The following KCNQ1 variants were observed in gnomAD, a reference collection of about 807,000 sequenced individuals.
KCNQ1 encodes potassium voltage-gated channel subfamily Q member 1.
KCNQ1 carries 49 observed loss-of-function variants against 72.4 expected under a neutral mutation model. The ratio of observed to expected loss-of-function variants is 0.68; its 90% CI spans 0.54 to 0.86. KCNQ1 has a LOEUF of 0.86. Among genes scored for constraint, KCNQ1 ranks in the 40% least tolerant of loss-of-function variants. KCNQ1 has a pLI of 0.00. For missense variants in KCNQ1, 790 were observed against 945.1 expected (o/e 0.84, Z 2.15); for synonymous variants, 450 against 412.6 (o/e 1.09, Z -1.10).
chr11:2,810,700 T>C (rs921794783), intron 15 of KCNQ1, among the ~76,000 whole-genome samples: 6 of 152,208 alleles, frequency 3.9e-5, no homozygotes, highest in Non-Finnish European at 8.8e-5. Context: ...CTCTCTCATG[T>C]TCTGAATGTT....
intron 15 of KCNQ1, among the ~76,000 whole-genome samples, chr11:2,804,581 AG>A (rs531323847): frequency 5.3e-5 from 8 of 152,164 alleles, no homozygotes; most frequent in Non-Finnish European, 8.8e-5. Flanking sequence ...AACTTGACAG[AG>A]TGGTTCCAGG....
intron 1 of KCNQ1, among the ~76,000 whole-genome samples, chr11:2,513,611 C>T (rs1449297016): frequency 6.6e-6 from 1 of 152,226 alleles, no homozygotes; most frequent in African/African-American, 2.4e-5. Flanking sequence ...GGAGAGACAG[C>T]CACCCGCCTG....
chr11:2,844,955 C>A (rs941675402), intron 15 of KCNQ1, among the ~76,000 whole-genome samples: 2 of 152,182 alleles, frequency 1.3e-5, no homozygotes, highest in Non-Finnish European at 2.9e-5. Context: ...TGAGGTGAGC[C>A]CTAGGACACA....
rs1846464563 is a variant in KCNQ1, at chr11:2,471,703, TA to T, written c.386+26220del. Reference sequence around the variant, plus strand: ...ATGTGTATGGGTGTGCATGTGTGTATAGGTGTGTGTATGTGTGCATGGGCGT... The same window carrying T: ...ATGTGTATGGGTGTGCATGTGTGTATGGTGTGTGTATGTGTGCATGGGCGT... On this transcript the variant is annotated intron_variant, in intron 1 of 15. Transcript: ENST00000155840. This position sits in a 1 kb window ranked among gnomAD's most constrained non-coding sequence, Gnocchi z 4.8. Among the ~76,000 whole-genome samples, 13 of 151,184 alleles carry T rather than the reference TA, an allele frequency of 8.6e-5. No homozygotes were observed. The highest frequency in any genetic ancestry group is 5.9e-4 in the East Asian group (3 of 5,124).
Position 2,813,040 on chromosome 11 carries a change from C to T in KCNQ1, c.1795-34727C>T, listed in dbSNP as rs139895850. ...TGCCTGGAGGCTGTGGCCTGGCTCT[C>T]CAGCTGGAACAGAAGCTCTGAGAAG... On this transcript the variant is annotated intron_variant, in intron 15 of 15. Coordinates refer to ENST00000155840, the MANE Select transcript of KCNQ1 (RefSeq NM_000218.3). The surrounding 1 kb of genome is among the most constrained non-coding windows in gnomAD (Gnocchi z 4.4). Among the ~76,000 whole-genome samples the T allele has an allele frequency of 2.1e-3, 315 of 152,372 alleles. 1 individual carries two copies. Among genetic ancestry groups the T allele is most frequent in the Middle Eastern group, 0.02 (6 of 294 alleles).
chr11:2,675,951 C>G, intron 11 of KCNQ1: 1 of 398,664 alleles, frequency 2.5e-6, no homozygotes, highest in African/African-American at 2.1e-5. Context: ...AAAACCAATT[C>G]AGAGTACAAA....
At chr11:2,648,975 CTTT>C in intron 10 of KCNQ1, 1 of 336,236 alleles carries the variant, frequency 3.0e-6, no homozygotes, top group East Asian at 3.9e-5. Context: ...TCTCTTTTTT[CTTT>C]TTCTTTTTTT....
chr11:2,798,240 G>T (rs1847179423), intron 15 of KCNQ1, among the ~76,000 whole-genome samples: 1 of 152,170 alleles, frequency 6.6e-6, no homozygotes, highest in Non-Finnish European at 1.5e-5. Context: ...CACGCCCTGG[G>T]TTCCCAACCA....
In KCNQ1 at chr11:2,445,112, C is replaced by G; in HGVS notation, c.14C>G (p.Ser5Cys). 3.6e-6 allele frequency: 4 copies of G among 1,096,108 alleles called. No homozygotes were observed. The highest frequency in any genetic ancestry group is 4.4e-6 in the Non-Finnish European group (4 of 899,600). 67.9% of individuals were successfully genotyped at this position (1,096,108 alleles called of 1,614,324 possible). A position where few individuals can be genotyped will look rare whatever the true frequency, so the allele number is the denominator to read the frequency against. Residue 5 changes from serine (S) to cysteine (C), a missense_variant, in exon 1 of 16, where the codon TCC becomes TGC. Ser to Cys is a moderately radical substitution (Grantham distance 112, BLOSUM62 -1). This residue lies in a region of KCNQ1 where 294 missense variants were observed against 323.3 expected (regional missense o/e 0.91). Coordinates refer to ENST00000155840, the MANE Select transcript of KCNQ1 (RefSeq NM_000218.3). ...GCCCTCCTCGTTATGGCCGCGGCCT[C>G]CTCCCCGCCCAGGGCCGAGAGGAAG... MAAASSPPRAERKRW... is the reference protein window; with the variant it reads MAAACSPPRAERKRW...
chr11:2,653,570 T>G lies in KCNQ1; in HGVS notation c.1394-8391T>G. ...CCCCTTCTCCCTTCCCGTTCCCTCT[T>G]TTGTTCTCCCTTTCCCTTGCTCTCT... On this transcript the variant is annotated intron_variant, in intron 10 of 15. Coordinates refer to ENST00000155840, the MANE Select transcript of KCNQ1 (RefSeq NM_000218.3). This position sits in a 1 kb window ranked among gnomAD's most constrained non-coding sequence, Gnocchi z 5.3. 5.0e-6 allele frequency: 2 copies of G among 398,798 alleles called. No homozygotes were observed. The highest frequency in any genetic ancestry group is 8.8e-6 in the Non-Finnish European group (2 of 226,148). The allele number at this position is 398,798 out of a possible 1,614,324, so 24.7% of individuals were successfully genotyped here.
intron 2 of KCNQ1, among the ~76,000 whole-genome samples, chr11:2,557,128 G>C (rs573519451): frequency 1.3e-5 from 2 of 152,206 alleles, no homozygotes; most frequent in Non-Finnish European, 2.9e-5. Context: ...TGGCCAAAGA[G>C]AGGCCAAGAA....
Position 2,468,100 on chromosome 11 carries a change from C to G in KCNQ1, c.386+22616C>G, listed in dbSNP as rs935278029. On this transcript the variant is annotated intron_variant, in intron 1 of 15. Coordinates refer to ENST00000155840, the MANE Select transcript of KCNQ1 (RefSeq NM_000218.3). The surrounding 1 kb of genome is among the most constrained non-coding windows in gnomAD (Gnocchi z 5.7). Reference sequence around the variant, plus strand: ...ACTGTGCCCGGAAAATGCACTGTCTCTCCTGGGCTCCCAACCTTTCACAGG... The same window carrying G: ...ACTGTGCCCGGAAAATGCACTGTCTGTCCTGGGCTCCCAACCTTTCACAGG... 2.6e-5 allele frequency among the ~76,000 whole-genome samples: 4 copies of G among 152,252 alleles called. No individual in the cohort carries two copies. The highest frequency in any genetic ancestry group is 5.9e-5 in the Non-Finnish European group (4 of 68,040).
intron 11 of KCNQ1, among the ~76,000 whole-genome samples, chr11:2,756,441 T>TAAAA (rs59499292): frequency 0.027 from 3,662 of 137,230 alleles, 73 homozygotes; most frequent in Non-Finnish European, 0.04. Flanking sequence ...TTACTAAAAT[T>TAAAA]AAAAAAAAAA....
intron 2 of KCNQ1, among the ~76,000 whole-genome samples, chr11:2,545,215 G>T (rs927732844): frequency 6.6e-6 from 1 of 152,178 alleles, no homozygotes; most frequent in Non-Finnish European, 1.5e-5. Context: ...TTGCATCTAG[G>T]TTCATGAGGG....
chr11:2,607,593 A>T (rs1172175875), intron 10 of KCNQ1, among the ~76,000 whole-genome samples: 1 of 152,198 alleles, frequency 6.6e-6, no homozygotes, highest in East Asian at 1.9e-4. Context: ...CAGATGCTGA[A>T]TCTGCCAGTG....
chr11:2,820,589 T>A (rs899614434), intron 15 of KCNQ1, among the ~76,000 whole-genome samples: 1 of 152,148 alleles, frequency 6.6e-6, no homozygotes, highest in Non-Finnish European at 1.5e-5. Context: ...TTTGTTTGTT[T>A]GTTAGTTTCA....
intron 15 of KCNQ1, among the ~76,000 whole-genome samples, chr11:2,834,238 C>T (rs147895062): frequency 4.4e-4 from 67 of 152,112 alleles, no homozygotes; most frequent in African/African-American, 1.5e-3. Flanking sequence ...TGGCAAGGTG[C>T]GTGACATGGT....
chr11:2,668,826 T>A lies in KCNQ1; in HGVS notation c.1514+6745T>A. 2.5e-6 allele frequency: 1 copy of A among 398,640 alleles called. No homozygotes were observed. 24.7% of individuals were successfully genotyped at this position (398,640 alleles called of 1,614,324 possible). A position where few individuals can be genotyped will look rare whatever the true frequency, so the allele number is the denominator to read the frequency against. On this transcript the variant is annotated intron_variant, in intron 11 of 15. Coordinates refer to ENST00000155840, the MANE Select transcript of KCNQ1 (RefSeq NM_000218.3). This position sits in a 1 kb window ranked among gnomAD's most constrained non-coding sequence, Gnocchi z 4.3. The stretch of plus-strand genomic sequence containing the variant: ...TTCATGTGGTCCAGTTAATCAAACA[T>A]TTCCTCTCTGGATAGGGCTGTTTGT...
Position 2,826,701 on chromosome 11 carries a change from G to A in KCNQ1, c.1795-21066G>A, listed in dbSNP as rs1342953105. ...GGGGTGCAGAGGGCCAGAGAGGCAC[G>A]GGGCTCCCCTGGGCACCCCTCGTCT... On this transcript the variant is annotated intron_variant, in intron 15 of 15. Coordinates refer to ENST00000155840, the MANE Select transcript of KCNQ1 (RefSeq NM_000218.3). The surrounding 1 kb of genome is among the most constrained non-coding windows in gnomAD (Gnocchi z 4.2). Among the ~76,000 whole-genome samples, 2 of 152,216 alleles carry A rather than the reference G, an allele frequency of 1.3e-5. No homozygotes were observed. The highest frequency in any genetic ancestry group is 2.4e-5 in the African/African-American group (1 of 41,468).
Sources: gnomAD v4.1 joint callset for allele counts (sites outside exome capture counted in the v4.1 genomes callset) on GRCh38, gnomAD v4.1.1 for gene constraint, gnomAD v4.1.1 regional missense constraint, Gnocchi (gnomAD v3.1) non-coding constraint, MANE v1.5 for transcripts, NCBI Gene and HGNC (gene_info 2026-07-23, HGNC 2026-07-21) for gene names.